COBLL1: variants seen among roughly 807,000 people sequenced by gnomAD.
COBLL1 encodes the protein cordon-bleu protein-like 1.
A neutral mutation model predicts 94.8 loss-of-function variants in COBLL1; 50 were observed. That is an observed-to-expected ratio of 0.53 (90% confidence interval 0.42 to 0.67). COBLL1 has a LOEUF of 0.67. Ranked by LOEUF, COBLL1 falls within the 30% of genes least tolerant of loss-of-function variation. The pLI is 0.00. For missense variants in COBLL1, 1,362 were observed against 1,348.7 expected (o/e 1.01, Z -0.15); for synonymous variants, 448 against 473.8 (o/e 0.95, Z 0.71).
chr2:164,728,797 GT>G (rs1439201633), intron 4 of COBLL1, among the ~76,000 whole-genome samples: 7 of 151,796 alleles, frequency 4.6e-5, no homozygotes, highest in African/African-American at 1.5e-4. Context: ...TAATGTTTTA[GT>G]AAAGAATATT....
At position 164,700,622 on chromosome 2, in the gene COBLL1, T is replaced by G; in HGVS notation, c.1360A>C (p.Thr454Pro). 1.2e-6 allele frequency: 2 copies of G among 1,613,596 alleles called. No individual in the cohort carries two copies. Among genetic ancestry groups the G allele is most frequent in the Non-Finnish European group, 1.7e-6 (2 of 1,179,584 alleles). ...GCTGAGTCAGGATCATTTTTCAGTG[T>G]ATTTATTATATCAGTAGATACAAAA... is the stretch of plus-strand genomic sequence containing the variant. ...IPFVSTDIINTLKNDPDSALG... is the reference protein window; with the variant it reads ...IPFVSTDIINPLKNDPDSALG... Residue 454 changes from threonine (T) to proline (P), a missense_variant, in exon 10 of 14, where the codon ACA (threonine) becomes CCA (proline). Physicochemically the swap from Thr to Pro is conservative, Grantham distance 38. Coordinates refer to ENST00000652658, the MANE Select transcript of COBLL1 (RefSeq NM_001365672.2).
rs908478692 is a variant in COBLL1 at position 164,683,851 on chromosome 2, T to C, written c.*2095A>G. The C allele has an allele frequency of 3.9e-5, 6 of 152,170 alleles. No homozygotes were observed. The highest frequency in any genetic ancestry group is 1.4e-4 in the African/African-American group (6 of 41,464). 9.4% of individuals were successfully genotyped at this position (152,170 alleles called of 1,614,324 possible). A position where few individuals can be genotyped will look rare whatever the true frequency, so the allele number is the denominator to read the frequency against. On this transcript the variant is annotated 3_prime_UTR_variant, in exon 14 of 14. Coordinates refer to ENST00000652658, the MANE Select transcript of COBLL1 (RefSeq NM_001365672.2). ...TGTGGAAGTCTATCATATGAATATA[T>C]GCATTACTAAAGCTGAGCACGGGTT...
In COBLL1 at chr2:164,704,314, A is replaced by C. The variant is rs1291963385; in HGVS notation, c.1225+130T>G. 3 of 669,464 alleles carry C rather than the reference A, an allele frequency of 4.5e-6. No homozygotes were observed. The East Asian group carries it at 7.8e-5, about 17-fold the overall frequency. The allele number at this position is 669,464 out of a possible 1,614,324, so 41.5% of individuals were successfully genotyped here. ...GGGGGCAAGAATTTATTTCATAATA[A>C]AAATTTGGGAAATGAGGCCAAAGAA... On this transcript the variant is annotated intron_variant, in intron 9 of 13. Transcript: ENST00000652658.
chr2:164,703,514 T>G, intron 9 of COBLL1: 1 of 404,610 alleles, frequency 2.5e-6, no homozygotes, highest in Non-Finnish European at 4.7e-6. Context: ...ATTTATATTA[T>G]TCTGAGTAAA....
Position 164,701,048 on chromosome 2 carries a change from A to C in COBLL1, c.1226-292T>G, listed in dbSNP as rs149095644. The stretch of plus-strand genomic sequence containing the variant: ...TTAAGTTAAATATTTCATTTAAGAA[A>C]TGTCTTACAATTGAATGGTTTTTAC... On this transcript the variant is annotated intron_variant, in intron 9 of 13. Coordinates refer to ENST00000652658, the MANE Select transcript of COBLL1 (RefSeq NM_001365672.2). 1.1e-4 allele frequency among the ~76,000 whole-genome samples: 16 copies of C among 152,342 alleles called. No homozygotes were observed. The East Asian group carries it at 3.1e-3, about 29-fold the overall frequency.
At chr2:164,708,303 C>T (rs1684708722) in intron 7 of COBLL1, among the ~76,000 whole-genome samples, 1 of 151,272 alleles carries the variant, frequency 6.6e-6, no homozygotes, top group African/African-American at 2.5e-5. Context: ...GATTCTGTCT[C>T]AGAGTCACTG....
chr2:164,805,327 C>CTATATATATATA (rs1282917607), intron 2 of COBLL1, among the ~76,000 whole-genome samples: 4 of 26,476 alleles, frequency 1.5e-4, no homozygotes, highest in South Asian at 1.3e-3. Flanking sequence ...CTCTCTCTCT[C>CTATATATATATA]TCTCTCTCTC....
At chr2:164,755,077 A>C (rs1223660782) in intron 2 of COBLL1, among the ~76,000 whole-genome samples, 3 of 152,150 alleles carry the variant, frequency 2.0e-5, no homozygotes, top group Non-Finnish European at 4.4e-5. Context: ...AGCCGGGAGG[A>C]TCACTTAAGC....
intron 2 of COBLL1, among the ~76,000 whole-genome samples, chr2:164,804,434 T>C (rs1683985323): frequency 6.6e-6 from 1 of 152,166 alleles, no homozygotes; most frequent in Admixed American, 6.5e-5. Context: ...TAATATGAAA[T>C]GTCTGTTTCA....
At chr2:164,804,837 C>A (rs995346346) in intron 2 of COBLL1, among the ~76,000 whole-genome samples, 1 of 152,220 alleles carries the variant, frequency 6.6e-6, no homozygotes, top group South Asian at 2.1e-4. Flanking sequence ...AAATCGACCT[C>A]TCCTCCCACA....
chr2:164,809,463 G>A (rs1334695314), intron 2 of COBLL1, among the ~76,000 whole-genome samples: 2 of 151,878 alleles, frequency 1.3e-5, no homozygotes, highest in Non-Finnish European at 2.9e-5. Flanking sequence ...ATATTTGGGG[G>A]TCTAAAATTC....
At chr2:164,665,464 T>TAAA (rs1303688011) in intron 2 of COBLL1, among the ~76,000 whole-genome samples, 1 of 141,724 alleles carries the variant, frequency 7.1e-6, no homozygotes, top group Non-Finnish European at 1.5e-5. Context: ...TACTGTAGTT[T>TAAA]AAAAAAAAAA....
intron 2 of COBLL1, among the ~76,000 whole-genome samples, chr2:164,799,015 G>C (rs1574609521): frequency 3.8e-5 from 1 of 26,656 alleles, no homozygotes; most frequent in East Asian, 8.1e-4. Flanking sequence ...GCAAGACTCC[G>C]TCTCAAAAAA....
rs1683072670 is a variant in COBLL1, at chr2:164,682,215, G to A, written c.*3731C>T. ...AAATCTTGTTGTCAACTCTGAAATA[G>A]CAAATAAATAGGAGATATTTTTACA... is the stretch of plus-strand genomic sequence containing the variant. On this transcript the variant is annotated 3_prime_UTR_variant, in exon 14 of 14. Coordinates refer to ENST00000652658, the MANE Select transcript of COBLL1 (RefSeq NM_001365672.2). The A allele has an allele frequency of 6.6e-6, 1 of 152,056 alleles. No homozygotes were observed. The highest frequency in any genetic ancestry group is 1.5e-5 in the Non-Finnish European group (1 of 67,996). 9.4% of individuals were successfully genotyped at this position (152,056 alleles called of 1,614,324 possible). A position where few individuals can be genotyped will look rare whatever the true frequency, so the allele number is the denominator to read the frequency against.
At chr2:164,830,893 C>T (rs1328813170) in intron 2 of COBLL1, among the ~76,000 whole-genome samples, 2 of 152,120 alleles carry the variant, frequency 1.3e-5, no homozygotes, top group African/African-American at 4.8e-5. Flanking sequence ...ATTTTTCATT[C>T]AATCAAAGTC....
intron 2 of COBLL1, among the ~76,000 whole-genome samples, chr2:164,781,484 T>C (rs993458627): frequency 1.4e-4 from 21 of 152,206 alleles, no homozygotes; most frequent in African/African-American, 4.8e-4. Context: ...GTACACTTAC[T>C]GCAGACCAGA....
At chr2:164,782,965 TG>T (rs1461777555) in intron 2 of COBLL1, among the ~76,000 whole-genome samples, 8 of 152,224 alleles carry the variant, frequency 5.3e-5, no homozygotes, top group Admixed American at 2.0e-4. Flanking sequence ...TTCAGTAGTT[TG>T]CTTTGCTTTC....
At position 164,686,986 on chromosome 2, in the gene COBLL1, C is replaced by T. The variant is rs145041048; in HGVS notation, c.3301-954G>A. Among the ~76,000 whole-genome samples the T allele has an allele frequency of 1.4e-3, 207 of 152,264 alleles. 1 individual carries two copies. Among genetic ancestry groups the T allele is most frequent in the African/African-American group, 4.0e-3 (168 of 41,540 alleles). ...GTTTGGACTTGGCTTCCTTGCGCTT[C>T]GCTTTTTGCCTTTTACTAAATAAAG... is the stretch of plus-strand genomic sequence containing the variant. On this transcript the variant is annotated intron_variant, in intron 13 of 13. Transcript: ENST00000652658.
At chr2:164,796,218 C>T (rs1383665544) in intron 2 of COBLL1, among the ~76,000 whole-genome samples, 2 of 152,126 alleles carry the variant, frequency 1.3e-5, no homozygotes, top group African/African-American at 4.8e-5. Flanking sequence ...TTGAAGGTTA[C>T]GGGGCATAAC....
Sources: allele counts gnomAD v4.1 joint callset (sites outside exome capture counted in the v4.1 genomes callset), GRCh38; gene constraint gnomAD v4.1.1; transcripts MANE v1.5; gene names NCBI Gene and HGNC (gene_info 2026-07-23, HGNC 2026-07-21).